NFIA: variants seen among roughly 807,000 people sequenced by gnomAD.
NFIA encodes the protein nuclear factor 1 A-type.
In NFIA, 8 loss-of-function variants were observed where a neutral mutation model predicts 62.8. That is an observed-to-expected ratio of 0.13 (90% CI 0.07 to 0.23). The LOEUF is 0.23. NFIA is among the 10% of genes least tolerant of loss of function. The probability of loss-of-function intolerance (pLI) is 1.00; values close to 1 mark genes in which losing one functional copy is unlikely to be tolerated. For synonymous variants in NFIA, 235 were observed against 238.1 expected, an observed-to-expected ratio of 0.99 and a Z score of 0.12; for missense variants, 410 against 642.1, an observed-to-expected ratio of 0.64 and a Z score of 3.91.
chr1:61,355,429 C>T lies in NFIA; in HGVS notation c.818+2862C>T, dbSNP rs118156978. Reference sequence around the variant, plus strand: ...AAAGAGCAGTGTAAAAATTGGGATACGATACATTTTTTATTCCAAAAAACT... The same window carrying T: ...AAAGAGCAGTGTAAAAATTGGGATATGATACATTTTTTATTCCAAAAAACT... On this transcript the variant is annotated intron_variant, in intron 5 of 10. Transcript: ENST00000403491. Among the ~76,000 whole-genome samples, 715 of 152,176 alleles carry T rather than the reference C, an allele frequency of 4.7e-3. 4 individuals carry two copies. Among genetic ancestry groups the T allele is most frequent in the South Asian group, 0.021 (101 of 4,804 alleles).
At position 61,448,320 on chromosome 1, in the gene NFIA, A is replaced by G. The variant is rs116470290; in HGVS notation, c.1513-6983A>G. Among the ~76,000 whole-genome samples, 735 of 152,318 alleles carry G rather than the reference A, an allele frequency of 4.8e-3. 5 individuals are homozygous for G. Among genetic ancestry groups the G allele is most frequent in the African/African-American group, 0.016 (679 of 41,546 alleles). The stretch of plus-strand genomic sequence containing the variant: ...TTAAAGACAGATTTTTATTTTCTCA[A>G]GAACTTTCTCTTGCAACTGGGGAAA... On this transcript the variant is annotated intron_variant, in intron 10 of 10. Transcript: ENST00000403491.
At chr1:61,242,424 AAAAC>A (rs1452124375) in intron 2 of NFIA, among the ~76,000 whole-genome samples, 1 of 152,188 alleles carries the variant, frequency 6.6e-6, no homozygotes, top group Non-Finnish European at 1.5e-5. Flanking sequence ...TTGAACTTAA[AAAAC>A]AAAGCCTGGA....
chr1:61,101,543 A>G (rs181322855), intron 2 of NFIA, among the ~76,000 whole-genome samples: 212 of 152,254 alleles, frequency 1.4e-3, no homozygotes, highest in Non-Finnish European at 2.7e-3. Context: ...GGAAAATGAA[A>G]CAGCAGGAGA....
chr1:61,150,789 A>G (rs957449019), intron 2 of NFIA, among the ~76,000 whole-genome samples: 3 of 152,192 alleles, frequency 2.0e-5, no homozygotes, highest in African/African-American at 7.2e-5. Flanking sequence ...TTGAACAGTT[A>G]GACTAGAAGG....
intron 3 of NFIA, among the ~76,000 whole-genome samples, chr1:61,300,131 G>T (rs999106134): frequency 5.3e-5 from 8 of 151,984 alleles, no homozygotes; most frequent in African/African-American, 1.7e-4. Flanking sequence ...GTTGTTTTCC[G>T]CATTTCCACA....
chr1:61,273,730 CT>C (rs1657648142), intron 2 of NFIA, among the ~76,000 whole-genome samples: 1 of 152,132 alleles, frequency 6.6e-6, no homozygotes, highest in African/African-American at 2.4e-5. Context: ...TTGAACTCAC[CT>C]TACTACAGCA....
At position 61,307,572 on chromosome 1, in the gene NFIA, CGAGTGATCCATT is replaced by C. The variant is rs1659868539; in HGVS notation, c.626-24937_626-24926del. ...GAATCAGTCACCTGGATAAGTGTGT[CGAGTGATCCATT>C]GAATCAGCCAGCAATGCATAAAGAA... is the stretch of plus-strand genomic sequence containing the variant. On this transcript the variant is annotated intron_variant, in intron 3 of 10. Transcript: ENST00000403491. Among the ~76,000 whole-genome samples, 3 of 152,168 alleles carry C rather than the reference CGAGTGATCCATT, an allele frequency of 2.0e-5. No individual in the cohort carries two copies. In the South Asian group the frequency reaches 6.2e-4, roughly 31 times the overall value.
chr1:61,122,311 A>G (rs183401872), intron 2 of NFIA, among the ~76,000 whole-genome samples: 86 of 152,356 alleles, frequency 5.6e-4, no homozygotes, highest in Middle Eastern at 3.4e-3. Flanking sequence ...ATAAACTGGT[A>G]AAGAGTTATA....
chr1:61,082,592 A>T lies in NFIA; in HGVS notation c.-200A>T. On this transcript the variant is annotated 5_prime_UTR_variant, in exon 1 of 11. The change abolishes the stop of an existing upstream ORF in the 5' untranslated region. Coordinates refer to ENST00000403491, the MANE Select transcript of NFIA (RefSeq NM_001134673.4). Reference sequence around the variant, plus strand: ...AAAGTTCAGCTCATGGAGCGGCAATAGCGCTGGCTGGCTGGCTGCAGTTGA... The same window carrying T: ...AAAGTTCAGCTCATGGAGCGGCAATTGCGCTGGCTGGCTGGCTGCAGTTGA... The T allele has an allele frequency of 6.8e-7, 1 of 1,481,136 alleles. No individual in the cohort carries two copies. Among genetic ancestry groups the T allele is most frequent in the Non-Finnish European group, 9.0e-7 (1 of 1,111,310 alleles). 91.7% of individuals were successfully genotyped at this position (1,481,136 alleles called of 1,614,324 possible).
intron 2 of NFIA, among the ~76,000 whole-genome samples, chr1:61,227,487 G>T (rs1476320119): frequency 1.3e-5 from 2 of 152,112 alleles, no homozygotes; most frequent in Non-Finnish European, 2.9e-5. Flanking sequence ...CTGAAAGGCG[G>T]TATTCTTTCT....
intron 9 of NFIA, 148 bp downstream of exon 9, chr1:61,406,875 C>A: frequency 1.1e-6 from 1 of 923,454 alleles, no homozygotes; most frequent in Non-Finnish European, 1.6e-6. Context: ...GACCGAGAAT[C>A]AAAGTGAACA....
At chr1:61,399,053 T>C (rs1258669564) in intron 7 of NFIA, among the ~76,000 whole-genome samples, 1 of 152,242 alleles carries the variant, frequency 6.6e-6, no homozygotes. Flanking sequence ...TTTTTACTTC[T>C]AATTATGAGT....
intron 2 of NFIA, among the ~76,000 whole-genome samples, chr1:61,091,737 C>A (rs534935881): frequency 1.3e-5 from 2 of 152,206 alleles, no homozygotes; most frequent in East Asian, 3.9e-4. Flanking sequence ...GGCAAGGTCA[C>A]AATTTAAGTT....
chr1:61,270,466 A>G (rs1657437649), intron 2 of NFIA, among the ~76,000 whole-genome samples: 1 of 152,194 alleles, frequency 6.6e-6, no homozygotes, highest in Non-Finnish European at 1.5e-5. Context: ...GATAGAGGGC[A>G]TTTTATTATT....
intron 2 of NFIA, chr1:61,125,315 A>C (rs1646949836): frequency 6.6e-6 from 1 of 152,234 alleles, no homozygotes; most frequent in Non-Finnish European, 1.5e-5. Flanking sequence ...TCTAAAGCAA[A>C]GTCAGAATAG....
chr1:61,305,179 A>G (rs2100337067), intron 3 of NFIA, among the ~76,000 whole-genome samples: 1 of 152,268 alleles, frequency 6.6e-6, no homozygotes, highest in Non-Finnish European at 1.5e-5. Context: ...AAAAGAAGTC[A>G]GGTAGAAAAT....
At chr1:61,432,652 T>TACACATATATAC (rs1553120977) in intron 10 of NFIA, among the ~76,000 whole-genome samples, 1 of 101,664 alleles carries the variant, frequency 9.8e-6, no homozygotes. Flanking sequence ...CACATATATA[T>TACACATATATAC]ACATATATAT....
At chr1:61,289,330 C>A (rs932992906) in intron 3 of NFIA, among the ~76,000 whole-genome samples, 1 of 152,170 alleles carries the variant, frequency 6.6e-6, no homozygotes. Context: ...CAGAGCCATG[C>A]ACTGTGCTGA....
chr1:61,150,184 G>A (rs1648298135), intron 2 of NFIA, among the ~76,000 whole-genome samples: 1 of 152,178 alleles, frequency 6.6e-6, no homozygotes, highest in Non-Finnish European at 1.5e-5. Flanking sequence ...AGTTATTCTC[G>A]CGGGGCCAGG....
Sources: gnomAD v4.1 joint callset for allele counts (sites outside exome capture counted in the v4.1 genomes callset) on GRCh38, gnomAD v4.1.1 for gene constraint, MANE v1.5 for transcripts, NCBI Gene and HGNC (gene_info 2026-07-23, HGNC 2026-07-21) for gene names.